The following GALNT10 variants were observed in gnomAD, a reference collection of about 807,000 sequenced individuals.
GALNT10 encodes the protein GalNAc transferase 10.
GALNT10 carries 41 observed loss-of-function variants against 75.0 expected under a neutral mutation model. The ratio of observed to expected loss-of-function variants is 0.55; its 90% CI spans 0.43 to 0.71. GALNT10 has a LOEUF of 0.71. Among genes scored for constraint, GALNT10 ranks in the 30% least tolerant of loss-of-function variants. The pLI is 0.00. For synonymous variants in GALNT10, 302 were observed against 313.0 expected (o/e 0.96, Z 0.37); for missense variants, 727 against 818.5 (o/e 0.89, Z 1.36).
chr5:154,200,332 G>A lies in GALNT10; in HGVS notation c.159+9307G>A, dbSNP rs146242685. 1.1e-3 allele frequency among the ~76,000 whole-genome samples: 171 copies of A among 151,162 alleles called. 1 individual carries two copies. The South Asian group carries it at 0.016, about 14-fold the overall frequency. ...GTGTGTTTGTGTAGGTCTCCCTTGT[G>A]AGTTACAAATGTCAGCCTCCTCTGA... On this transcript the variant is annotated intron_variant, in intron 1 of 11. Coordinates refer to ENST00000297107, the MANE Select transcript of GALNT10 (RefSeq NM_198321.4).
At chr5:154,276,106 G>T (rs1023204634) in intron 1 of GALNT10, among the ~76,000 whole-genome samples, 4 of 152,156 alleles carry the variant, frequency 2.6e-5, no homozygotes, top group African/African-American at 9.7e-5. Context: ...AGTTTTACAG[G>T]TCATGAGTCT....
chr5:154,222,721 C>T (rs1369726091), intron 1 of GALNT10, among the ~76,000 whole-genome samples: 1 of 152,160 alleles, frequency 6.6e-6, no homozygotes, highest in East Asian at 1.9e-4. Context: ...TGAAGAGCAT[C>T]TCTTCATGTG....
rs905152958 is a variant in GALNT10 at position 154,370,136 on chromosome 5, A to C, written c.569-6141A>C. Among the ~76,000 whole-genome samples, 15 of 152,338 alleles carry C rather than the reference A, an allele frequency of 9.8e-5. No individual in the cohort carries two copies. In the East Asian group the frequency reaches 1.5e-3, roughly 16 times the overall value. On this transcript the variant is annotated intron_variant, in intron 4 of 11. Transcript: ENST00000297107. ...GTTAGCTGTGTAGCCTTGGACAAGA[A>C]ATGTTTTCTGGACCTTGTCTTGAAG... is the stretch of plus-strand genomic sequence containing the variant.
intron 1 of GALNT10, among the ~76,000 whole-genome samples, chr5:154,234,943 A>C (rs1753222454): frequency 1.3e-5 from 2 of 152,238 alleles, no homozygotes; most frequent in South Asian, 4.1e-4. Context: ...TTAGCATCTG[A>C]GATCTGCTGA....
intron 4 of GALNT10, among the ~76,000 whole-genome samples, chr5:154,358,645 C>G (rs1008940215): frequency 6.6e-6 from 1 of 152,158 alleles, no homozygotes; most frequent in African/African-American, 2.4e-5. Context: ...TGCCCTCTTC[C>G]ACTTTCACCA....
intron 1 of GALNT10, among the ~76,000 whole-genome samples, chr5:154,214,714 G>A (rs999551914): frequency 2.6e-5 from 4 of 152,174 alleles, no homozygotes; most frequent in African/African-American, 7.2e-5. Flanking sequence ...TCAGCTACCT[G>A]TACAGGAGGC....
chr5:154,205,533 A>T (rs1214918379), intron 1 of GALNT10, among the ~76,000 whole-genome samples: 1 of 152,178 alleles, frequency 6.6e-6, no homozygotes, highest in African/African-American at 2.4e-5. Context: ...AAGTGGGTAA[A>T]TGGGCTCATG....
At chr5:154,214,240 A>T (rs1200767820) in intron 1 of GALNT10, among the ~76,000 whole-genome samples, 2 of 152,200 alleles carry the variant, frequency 1.3e-5, no homozygotes, top group Admixed American at 6.5e-5. Context: ...CACAAAAAAA[A>T]AAATCAGCCT....
chr5:154,401,383 C>G (rs775539368), intron 7 of GALNT10, among the ~76,000 whole-genome samples: 2 of 152,236 alleles, frequency 1.3e-5, no homozygotes, highest in Non-Finnish European at 2.9e-5. Flanking sequence ...ACTGCACCAC[C>G]TGAAAGGCAG....
chr5:154,278,365 A>G (rs1279814629), intron 1 of GALNT10, among the ~76,000 whole-genome samples: 1 of 152,218 alleles, frequency 6.6e-6, no homozygotes, highest in Non-Finnish European at 1.5e-5. Flanking sequence ...GGGGACTTCT[A>G]GTCAAATAAA....
chr5:154,282,147 G>T (rs1049167920), intron 1 of GALNT10, among the ~76,000 whole-genome samples: 2 of 152,224 alleles, frequency 1.3e-5, no homozygotes, highest in African/African-American at 4.8e-5. Context: ...TCACATGGGT[G>T]AGAGAGATGG....
At chr5:154,340,402 G>C (rs1196176037) in intron 4 of GALNT10, among the ~76,000 whole-genome samples, 1 of 152,142 alleles carries the variant, frequency 6.6e-6, no homozygotes, top group Non-Finnish European at 1.5e-5. Context: ...ATTTAGTAGA[G>C]CATTCAAACC....
chr5:154,273,214 G>C (rs886595483), intron 1 of GALNT10, among the ~76,000 whole-genome samples: 1 of 152,214 alleles, frequency 6.6e-6, no homozygotes, highest in Non-Finnish European at 1.5e-5. Flanking sequence ...GTTCAAGCCT[G>C]ACTTCCTGTC....
chr5:154,229,763 A>G (rs1342379608), intron 1 of GALNT10, among the ~76,000 whole-genome samples: 1 of 152,200 alleles, frequency 6.6e-6, no homozygotes, highest in African/African-American at 2.4e-5. Flanking sequence ...GTTCCATGCA[A>G]TCACGGACCA....
chr5:154,209,895 A>C (rs928243084), intron 1 of GALNT10, among the ~76,000 whole-genome samples: 17 of 124,966 alleles, frequency 1.4e-4, no homozygotes, highest in Admixed American at 3.0e-4. Flanking sequence ...CCCATAATCA[A>C]ACACATTTTT....
intron 4 of GALNT10, among the ~76,000 whole-genome samples, chr5:154,339,823 A>T (rs2113129551): frequency 6.6e-6 from 1 of 152,306 alleles, no homozygotes; most frequent in East Asian, 1.9e-4. Flanking sequence ...GTGTTTCCTT[A>T]AAAACATAGT....
At position 154,418,597 on chromosome 5, in the gene GALNT10, A is replaced by G. The variant is rs1756561840; in HGVS notation, c.*1625A>G. ...TAAATAACTGAGACCTAAGTCTGGG[A>G]ACAGAGCCACGAATCTGCCTTTGAG... is the stretch of plus-strand genomic sequence containing the variant. On this transcript the variant is annotated 3_prime_UTR_variant, in exon 12 of 12. Coordinates refer to ENST00000297107, the MANE Select transcript of GALNT10 (RefSeq NM_198321.4). The G allele has an allele frequency of 6.6e-6, 1 of 152,218 alleles. No individual in the cohort carries two copies. Among genetic ancestry groups the G allele is most frequent in the South Asian group, 2.1e-4 (1 of 4,820 alleles). The allele number at this position is 152,218 out of a possible 1,614,324, so 9.4% of individuals were successfully genotyped here. A position where few individuals can be genotyped will look rare whatever the true frequency, so the allele number is the denominator to read the frequency against.
intron 5 of GALNT10, among the ~76,000 whole-genome samples, chr5:154,378,825 G>T (rs532164426): frequency 9.9e-5 from 15 of 152,198 alleles, no homozygotes; most frequent in Non-Finnish European, 1.8e-4. Flanking sequence ...CCCACAATCA[G>T]CCAGCAGCCA....
intron 1 of GALNT10, among the ~76,000 whole-genome samples, chr5:154,292,632 T>A (rs139404208): frequency 5.1e-4 from 78 of 152,348 alleles, no homozygotes; most frequent in African/African-American, 1.7e-3. Context: ...TTGGTTTCTC[T>A]GTCTGTGGTA....
Sources: gnomAD v4.1 joint callset for allele counts (sites outside exome capture counted in the v4.1 genomes callset) on GRCh38, gnomAD v4.1.1 for gene constraint, MANE v1.5 for transcripts, NCBI Gene and HGNC (gene_info 2026-07-23, HGNC 2026-07-21) for gene names.